Variants in GALNT13 observed in about 807,000 individuals in gnomAD.
The protein encoded by GALNT13 is polypeptide N-acetylgalactosaminyltransferase 13, also known as UDP-GalNAc:polypeptide N-acetylgalactosaminyltransferase 13.
A neutral mutation model predicts 64.2 loss-of-function variants in GALNT13; 28 were observed. The observed-to-expected ratio is 0.44, with a 90% CI of 0.32 to 0.60. The LOEUF (loss-of-function observed/expected upper bound fraction) is 0.60, where lower values mean the gene tolerates loss of function less well. Among genes scored for constraint, GALNT13 ranks in the 20% least tolerant of loss-of-function variants. The pLI is 0.05. For missense variants in GALNT13, 577 were observed against 669.8 expected (o/e 0.86, Z 1.53); for synonymous variants, 214 against 224.6 (o/e 0.95, Z 0.42).
chr2:154,349,083 A>G (rs1013682774), intron 9 of GALNT13, among the ~76,000 whole-genome samples: 1 of 152,224 alleles, frequency 6.6e-6, no homozygotes, highest in Non-Finnish European at 1.5e-5. Flanking sequence ...GTGCTGTATT[A>G]ATCAAATGCA....
At chr2:153,785,644 G>A in the GALNT13 span, among the ~76,000 whole-genome samples, 2 of 152,076 alleles carry the variant, frequency 1.3e-5, no homozygotes, top group East Asian at 2.0e-4. Flanking sequence ...CTGTTACTGG[G>A]AGTGTTCAGC....
At chr2:153,620,014 T>C in the GALNT13 span, among the ~76,000 whole-genome samples, 5 of 152,264 alleles carry the variant, frequency 3.3e-5, no homozygotes, top group African/African-American at 1.2e-4. Flanking sequence ...AGTTCTCTAT[T>C]ATTATCCCTT....
chr2:153,723,375 T>C, the GALNT13 span, among the ~76,000 whole-genome samples: 1 of 150,456 alleles, frequency 6.6e-6, no homozygotes, highest in African/African-American at 2.5e-5. Flanking sequence ...CTGGAAGCAT[T>C]CCCTTTGAAA....
intron 3 of GALNT13, among the ~76,000 whole-genome samples, chr2:154,025,969 G>C (rs1052378615): frequency 1.3e-5 from 2 of 152,134 alleles, no homozygotes; most frequent in Non-Finnish European, 2.9e-5. Flanking sequence ...GGGAGAGAGA[G>C]AAGGGGAGTG....
At chr2:153,310,199 T>TA in the GALNT13 span, among the ~76,000 whole-genome samples, 5 of 152,222 alleles carry the variant, frequency 3.3e-5, no homozygotes, top group African/African-American at 1.2e-4. Flanking sequence ...AAAGTTAGTT[T>TA]AAAAAATCAT....
At chr2:153,528,706 G>T in the GALNT13 span, among the ~76,000 whole-genome samples, 271 of 151,916 alleles carry the variant, frequency 1.8e-3, 1 homozygote, top group Non-Finnish European at 2.8e-3. Flanking sequence ...TAAAAACCCT[G>T]AGTAATATCA....
chr2:153,119,475 G>A, the GALNT13 span, among the ~76,000 whole-genome samples: 2 of 152,038 alleles, frequency 1.3e-5, no homozygotes, highest in Non-Finnish European at 2.9e-5. Flanking sequence ...TGGAGAGTAG[G>A]AAACAAAATT....
chr2:153,991,599 G>A (rs1226826148), intron 3 of GALNT13, among the ~76,000 whole-genome samples: 1 of 152,096 alleles, frequency 6.6e-6, no homozygotes, highest in African/African-American at 2.4e-5. Flanking sequence ...AGAAAAGAAT[G>A]AACTTAGTGT....
At chr2:153,253,155 T>A in the GALNT13 span, among the ~76,000 whole-genome samples, 3 of 151,314 alleles carry the variant, frequency 2.0e-5, no homozygotes, top group Admixed American at 2.0e-4. Flanking sequence ...GAGCAGTGGT[T>A]TGTAGTTCTC....
At chr2:153,079,572 T>C in the GALNT13 span, among the ~76,000 whole-genome samples, 1 of 152,208 alleles carries the variant, frequency 6.6e-6, no homozygotes, top group Non-Finnish European at 1.5e-5. Flanking sequence ...TGATTAGAGT[T>C]AGTGTCAGGG....
the GALNT13 span, among the ~76,000 whole-genome samples, chr2:153,715,999 G>T: frequency 6.6e-6 from 1 of 152,050 alleles, no homozygotes; most frequent in Admixed American, 6.6e-5. Context: ...TTTTCATATT[G>T]TTGAAAGGGT....
At chr2:153,584,480 C>A in the GALNT13 span, among the ~76,000 whole-genome samples, 2 of 152,202 alleles carry the variant, frequency 1.3e-5, no homozygotes, top group South Asian at 4.1e-4. Context: ...GCAACCATTG[C>A]TAACATGAAA....
intron 8 of GALNT13, among the ~76,000 whole-genome samples, chr2:154,264,424 C>T (rs1413129357): frequency 2.0e-5 from 3 of 147,928 alleles, no homozygotes; most frequent in African/African-American, 7.5e-5. Flanking sequence ...AGTTCAAGAC[C>T]AGCCTAGCCA....
In GALNT13 at chr2:154,065,659, T is replaced by C. The variant is rs1256585584; in HGVS notation, c.143-74678T>C. The stretch of plus-strand genomic sequence containing the variant: ...CCACAAGAGCCATAGCATTACTGGG[T>C]TTGGGGTCCCCCTAATGCAGATATG... On this transcript the variant is annotated intron_variant, in intron 3 of 12. Transcript: ENST00000392825. Among the ~76,000 whole-genome samples the C allele has an allele frequency of 2.0e-5, 3 of 152,188 alleles. No individual in the cohort carries two copies. The East Asian group carries it at 5.8e-4, about 29-fold the overall frequency.
chr2:154,364,233 A>G (rs925280242), intron 9 of GALNT13, among the ~76,000 whole-genome samples: 1 of 152,204 alleles, frequency 6.6e-6, no homozygotes, highest in Non-Finnish European at 1.5e-5. Context: ...TATCTCATGG[A>G]GTTAAAATAG....
chr2:153,327,130 T>G, the GALNT13 span, among the ~76,000 whole-genome samples: 2 of 151,936 alleles, frequency 1.3e-5, 1 homozygote, highest in South Asian at 4.2e-4. Context: ...ATATTGGCCC[T>G]CACTCTCTTT....
At chr2:153,398,152 T>C in the GALNT13 span, among the ~76,000 whole-genome samples, 1 of 143,456 alleles carries the variant, frequency 7.0e-6, no homozygotes, top group African/African-American at 2.6e-5. Context: ...AATTCCCACC[T>C]ATGAGTGAGA....
intron 3 of GALNT13, among the ~76,000 whole-genome samples, chr2:154,075,289 G>A (rs1370885135): frequency 2.0e-5 from 3 of 151,730 alleles, no homozygotes; most frequent in Non-Finnish European, 4.4e-5. Flanking sequence ...AAAAGATACT[G>A]TCAAAACAAC....
the GALNT13 span, among the ~76,000 whole-genome samples, chr2:153,607,038 C>T: frequency 6.6e-6 from 1 of 151,898 alleles, no homozygotes; most frequent in Admixed American, 6.6e-5. Flanking sequence ...GTGTGAGATG[C>T]CCCTCAGCCT....
Sources: allele counts gnomAD v4.1 joint callset (sites outside exome capture counted in the v4.1 genomes callset), GRCh38; gene constraint gnomAD v4.1.1; transcripts MANE v1.5; gene names NCBI Gene and HGNC (gene_info 2026-07-23, HGNC 2026-07-21).